Variants in ALDH9A1 observed in about 807,000 individuals in gnomAD.
ALDH9A1 encodes the protein 4-trimethylaminobutyraldehyde dehydrogenase.
In ALDH9A1, 42 loss-of-function variants were observed where a neutral mutation model predicts 56.6. That is an observed-to-expected ratio of 0.74 (90% CI 0.58 to 0.96). The LOEUF is 0.96. Ranked by LOEUF, ALDH9A1 falls within the 40% of genes least tolerant of loss-of-function variation. The probability of loss-of-function intolerance (pLI) is 0.00; values close to 1 mark genes in which losing one functional copy is unlikely to be tolerated. For missense variants in ALDH9A1, 661 were observed against 651.5 expected (o/e 1.01, Z -0.16); for synonymous variants, 242 against 236.0 (o/e 1.03, Z -0.23).
At chr1:165,692,846 G>A (rs1394273070) in intron 2 of ALDH9A1, among the ~76,000 whole-genome samples, 1 of 152,008 alleles carries the variant, frequency 6.6e-6, no homozygotes, top group Non-Finnish European at 1.5e-5. Context: ...AAAACAGCAT[G>A]GTACTGGTAC....
In ALDH9A1 at chr1:165,679,514, G is replaced by C. The variant is rs761763755; in HGVS notation, c.858C>G (p.Ile286Met). The C allele has an allele frequency of 5.0e-6, 8 of 1,614,148 alleles. No individual in the cohort carries two copies. The highest frequency in any genetic ancestry group is 2.2e-5 in the East Asian group (1 of 44,882). The change falls in exon 6 of 11, where the codon ATC (isoleucine) becomes ATG (methionine). Residue 286 changes from isoleucine (I) to methionine (M), a missense_variant. Coordinates refer to ENST00000354775, the MANE Select transcript of ALDH9A1 (RefSeq NM_000696.4). The stretch of plus-strand genomic sequence containing the variant: ...TGTTCATATCACAGTCTGAGAAGAT[G>C]ATGAGTGGAGATTTGCCTCCAAGTT... ...TLELGGKSPL[I>M]IFSDCDMNNA...
chr1:165,667,268 C>T (rs1228402795), intron 9 of ALDH9A1, 41 bp downstream of exon 9: 1 of 1,612,294 alleles, frequency 6.2e-7, no homozygotes. Context: ...TACTGCAGCC[C>T]CGCTCCTTCA....
rs779115267 is a variant in ALDH9A1, at chr1:165,698,364, C to G, written c.181+14G>C. 1 of 1,585,296 alleles carries G rather than the reference C, an allele frequency of 6.3e-7. No homozygotes were observed. Among genetic ancestry groups the G allele is most frequent in the East Asian group, 2.3e-5 (1 of 44,276 alleles). On this transcript the variant is annotated intron_variant, in intron 1 of 10. Coordinates refer to ENST00000354775, the MANE Select transcript of ALDH9A1 (RefSeq NM_000696.4). ...CCCCAGGGCGCCCCAGCCTCCCCGGCTCGTTGCAGTTACCGGTTGCTGGCT... is the reference window on the plus strand; with the variant it reads ...CCCCAGGGCGCCCCAGCCTCCCCGGGTCGTTGCAGTTACCGGTTGCTGGCT...
In ALDH9A1 at chr1:165,662,890, G is replaced by T. The variant is rs1444315147; in HGVS notation, c.*160C>A. ...GGCACTTAATGCACATTTTCAGTGA[G>T]GAAGCTGATGGAGAGAGAAAGAGTA... On this transcript the variant is annotated 3_prime_UTR_variant, in exon 11 of 11. Transcript: ENST00000354775. The T allele has an allele frequency of 3.2e-6, 2 of 625,172 alleles. No individual in the cohort carries two copies. The highest frequency in any genetic ancestry group is 5.7e-6 in the Non-Finnish European group (2 of 350,252). 38.7% of individuals were successfully genotyped at this position (625,172 alleles called of 1,614,324 possible).
Position 165,663,068 on chromosome 1 carries a change from A to G in ALDH9A1, c.1539T>C (p.Asp513=), listed in dbSNP as rs1007238781. Residue 513 remains aspartate, a synonymous_variant, in exon 11 of 11, where the codon GAT becomes GAC. Coordinates refer to ENST00000354775, the MANE Select transcript of ALDH9A1 (RefSeq NM_000696.4). ...CAGGTTTTCAAAAAGCAGATTCCAC[A>G]TCACCCATCTCCACACACACAGTCT... ...QLKTVCVEMG[D]VESAF 1.2e-6 allele frequency: 2 copies of G among 1,614,048 alleles called. No homozygotes were observed. Among genetic ancestry groups the G allele is most frequent in the Admixed American group, 1.7e-5 (1 of 60,014 alleles).
chr1:165,694,087 T>C (rs894860179), intron 2 of ALDH9A1, among the ~76,000 whole-genome samples: 2 of 151,008 alleles, frequency 1.3e-5, no homozygotes, highest in East Asian at 2.0e-4. Context: ...GGGGGAGGGA[T>C]AGCATTAGGA....
chr1:165,672,383 T>C (rs1480189227), intron 6 of ALDH9A1, among the ~76,000 whole-genome samples: 2 of 152,154 alleles, frequency 1.3e-5, no homozygotes, highest in East Asian at 3.9e-4. Context: ...GAAGATATTA[T>C]ACTAAGTGAA....
intron 2 of ALDH9A1, among the ~76,000 whole-genome samples, chr1:165,684,511 A>G (rs1374966403): frequency 6.6e-6 from 1 of 152,212 alleles, no homozygotes; most frequent in African/African-American, 2.4e-5. Context: ...ACATACATCA[A>G]TTCTTACACC....
intron 8 of ALDH9A1, 135 bp from the exon 9 acceptor site, chr1:165,667,585 C>A: frequency 2.4e-6 from 2 of 848,002 alleles, no homozygotes; most frequent in Non-Finnish European, 3.6e-6. Flanking sequence ...CAGCGATCCT[C>A]CTGCCTCAGC....
chr1:165,683,090 A>G lies in ALDH9A1; in HGVS notation c.348T>C (p.Ala116=), dbSNP rs781486535. The G allele has an allele frequency of 1.5e-5, 25 of 1,614,060 alleles. No homozygotes were observed. The highest frequency in any genetic ancestry group is 3.3e-4 in the Middle Eastern group (2 of 6,060). The stretch of plus-strand genomic sequence containing the variant: ...TGCCATTGTTGATGCACTCCATAGT[A>G]GCAATTTCATCCTCCCGTTCCTTTG... ...RIIREREDEI[A]TMECINNGKS... is the part of the protein sequence containing the mutation. The change falls in exon 3 of 11, where the codon GCT becomes GCC. Residue 116 remains alanine (A), a synonymous_variant. Coordinates refer to ENST00000354775, the MANE Select transcript of ALDH9A1 (RefSeq NM_000696.4).
chr1:165,674,153 C>A (rs1037181606), intron 6 of ALDH9A1, among the ~76,000 whole-genome samples: 1 of 151,864 alleles, frequency 6.6e-6, no homozygotes, highest in African/African-American at 2.4e-5. Flanking sequence ...CGTCATTTTA[C>A]CCTATATGGT....
chr1:165,667,424 C>A lies in ALDH9A1; in HGVS notation c.1234G>T (p.Val412Leu). Residue 412 changes from valine (V) to leucine (L), a missense_variant, in exon 9 of 11, where the codon GTG (valine) becomes TTG (leucine). By Grantham distance (32) the Val-to-Leu change is conservative. Transcript: ENST00000354775. ...LTNCRDDMTC[V>L]KEEIFGPVMS... ...ACAGGCCCAAAGATCTCTTCCTTCA[C>A]ACAGGTCATGTCGTCTCTGCAATTA... 1.9e-6 allele frequency: 3 copies of A among 1,614,082 alleles called. No individual in the cohort carries two copies. Among genetic ancestry groups the A allele is most frequent in the Non-Finnish European group, 2.5e-6 (3 of 1,179,982 alleles).
intron 3 of ALDH9A1, 66 bp downstream of exon 3, chr1:165,682,915 T>C: frequency 1.3e-6 from 2 of 1,542,556 alleles, no homozygotes; most frequent in Non-Finnish European, 1.8e-6. Context: ...ATCTTTGCCC[T>C]TCACCACTAG....
At chr1:165,669,872 T>G (rs1649123186) in intron 6 of ALDH9A1, among the ~76,000 whole-genome samples, 1 of 152,110 alleles carries the variant, frequency 6.6e-6, no homozygotes, top group African/African-American at 2.4e-5. Context: ...CTGAAATCAC[T>G]AATAATCACT....
intron 2 of ALDH9A1, among the ~76,000 whole-genome samples, chr1:165,693,507 A>G (rs557462146): frequency 1.0e-3 from 155 of 152,360 alleles, no homozygotes; most frequent in African/African-American, 3.6e-3. Flanking sequence ...AATCAAACCC[A>G]CAATGAGATA....
At position 165,667,429 on chromosome 1, in the gene ALDH9A1, G is replaced by A. The variant is rs1302924882; in HGVS notation, c.1229C>T (p.Thr410Ile). ...CVLTNCRDDM[T>I]CVKEEIFGPV... Reference sequence around the variant, plus strand: ...CCCAAAGATCTCTTCCTTCACACAGGTCATGTCGTCTCTGCAATTAGCTGC... The same window carrying A: ...CCCAAAGATCTCTTCCTTCACACAGATCATGTCGTCTCTGCAATTAGCTGC... The change falls in exon 9 of 11, where the codon ACC (threonine) becomes ATC (isoleucine). Residue 410 changes from threonine (T) to isoleucine (I), a missense_variant. Coordinates refer to ENST00000354775, the MANE Select transcript of ALDH9A1 (RefSeq NM_000696.4). 3.0e-5 allele frequency: 48 copies of A among 1,613,808 alleles called. No homozygotes were observed. Among genetic ancestry groups the A allele is most frequent in the Non-Finnish European group, 4.1e-5 (48 of 1,179,938 alleles).
chr1:165,675,533 A>T (rs1351649923), intron 6 of ALDH9A1, among the ~76,000 whole-genome samples: 1 of 152,204 alleles, frequency 6.6e-6, no homozygotes, highest in Non-Finnish European at 1.5e-5. Flanking sequence ...CCCACAGGAG[A>T]TGGACAAAAC....
chr1:165,689,242 T>C (rs1649805981), intron 2 of ALDH9A1, among the ~76,000 whole-genome samples: 1 of 152,222 alleles, frequency 6.6e-6, no homozygotes, highest in African/African-American at 2.4e-5. Context: ...TATTTCTGCA[T>C]GGTCAGGGCT....
At chr1:165,696,528 T>C (rs1650089567) in intron 1 of ALDH9A1, among the ~76,000 whole-genome samples, 1 of 152,200 alleles carries the variant, frequency 6.6e-6, no homozygotes, top group South Asian at 2.1e-4. Context: ...TAATAAGCAG[T>C]AATATCAGGA....
Sources: gnomAD v4.1 joint callset for allele counts (sites outside exome capture counted in the v4.1 genomes callset) on GRCh38, gnomAD v4.1.1 for gene constraint, MANE v1.5 for transcripts, NCBI Gene and HGNC (gene_info 2026-07-23, HGNC 2026-07-21) for gene names.